The following NMNAT3 variants were observed in gnomAD, a reference collection of about 807,000 sequenced individuals.
The protein encoded by NMNAT3 is nicotinamide/nicotinic acid mononucleotide adenylyltransferase 3.
A neutral mutation model predicts 24.8 loss-of-function variants in NMNAT3; 21 were observed. The ratio of observed to expected loss-of-function variants is 0.85; its 90% CI spans 0.60 to 1.22. The LOEUF (loss-of-function observed/expected upper bound fraction) is 1.22, where lower values mean the gene tolerates loss of function less well. Ranked by LOEUF, NMNAT3 falls within the 50% of genes most tolerant of loss-of-function variation. The pLI, the probability that NMNAT3 is intolerant of heterozygous loss-of-function variation, is 0.00. For synonymous variants in NMNAT3, 136 were observed against 155.2 expected (o/e 0.88, Z 0.92); for missense variants, 387 against 436.6 (o/e 0.89, Z 1.01).
intron 5 of NMNAT3, among the ~76,000 whole-genome samples, chr3:139,574,449 G>T (rs1559863176): frequency 6.6e-6 from 1 of 152,184 alleles, no homozygotes; most frequent in Non-Finnish European, 1.5e-5. Context: ...CACAAATTTG[G>T]CATGCCTGCC....
intron 3 of NMNAT3, among the ~76,000 whole-genome samples, chr3:139,617,861 G>T (rs1231226377): frequency 6.6e-6 from 1 of 152,222 alleles, no homozygotes; most frequent in Non-Finnish European, 1.5e-5. Flanking sequence ...TAAGAGAAAT[G>T]CAGGCTTAAA....
chr3:139,602,253 T>G (rs1320265823), intron 3 of NMNAT3, among the ~76,000 whole-genome samples: 2 of 152,234 alleles, frequency 1.3e-5, no homozygotes, highest in Non-Finnish European at 2.9e-5. Context: ...AGCCATTTTC[T>G]TAATTCTTTA....
At chr3:139,598,072 A>C (rs144875500) in intron 3 of NMNAT3, among the ~76,000 whole-genome samples, 1 of 152,246 alleles carries the variant, frequency 6.6e-6, no homozygotes, top group East Asian at 1.9e-4. Context: ...ACTTAAATAA[A>C]TAGAATTAGA....
rs943563493 is a variant in NMNAT3 at position 139,616,338 on chromosome 3, G to T, written c.109+11278C>A. Among the ~76,000 whole-genome samples, 4 of 152,072 alleles carry T rather than the reference G, an allele frequency of 2.6e-5. No homozygotes were observed. In the East Asian group the frequency reaches 7.7e-4, roughly 29 times the overall value. On this transcript the variant is annotated intron_variant, in intron 3 of 6. Coordinates refer to ENST00000643695, the MANE Select transcript of NMNAT3 (RefSeq NM_001320510.2). Reference sequence around the variant, plus strand: ...TACTCTGGTTCCTCCTATTTCTTGGGTCTTCTTGAACTTCTTTGTAAGCCG... The same window carrying T: ...TACTCTGGTTCCTCCTATTTCTTGGTTCTTCTTGAACTTCTTTGTAAGCCG...
intron 2 of NMNAT3, among the ~76,000 whole-genome samples, chr3:139,629,612 A>C: frequency 1.3e-5 from 2 of 152,178 alleles, no homozygotes; most frequent in Non-Finnish European, 2.9e-5. Flanking sequence ...TTCTGGGGGC[A>C]ACATGTAGAG....
chr3:139,627,710 T>TA lies in NMNAT3; in HGVS notation c.14dup (p.Pro6ThrfsTer11). ...AGCCACAGGCCAGGAGCACCACAGG[T>TA]ATTCGGCTCTTCATCTTGTCAGGCA... On this transcript the variant is annotated frameshift_variant, in exon 3 of 7. Transcript: ENST00000643695. LOFTEE classifies it high-confidence loss of function. 1 of 1,592,650 alleles carries TA rather than the reference T, an allele frequency of 6.3e-7. No homozygotes were observed.
chr3:139,651,391 A>G (rs1329204886), intron 1 of NMNAT3, among the ~76,000 whole-genome samples: 2 of 152,208 alleles, frequency 1.3e-5, no homozygotes, highest in African/African-American at 4.8e-5. Context: ...ATGGAAAAAT[A>G]ACAGACTAAA....
At chr3:139,664,342 T>C (rs2057510538) in intron 1 of NMNAT3, among the ~76,000 whole-genome samples, 1 of 152,210 alleles carries the variant, frequency 6.6e-6, no homozygotes, top group Non-Finnish European at 1.5e-5. Flanking sequence ...TAGACTACGA[T>C]TCCTCATGAT....
At chr3:139,617,931 G>A (rs2055585608) in intron 3 of NMNAT3, among the ~76,000 whole-genome samples, 1 of 152,196 alleles carries the variant, frequency 6.6e-6, no homozygotes, top group African/African-American at 2.4e-5. Context: ...GTCATATGTT[G>A]TGCTGAATCA....
intron 1 of NMNAT3, among the ~76,000 whole-genome samples, chr3:139,643,984 T>C (rs1166308055): frequency 6.6e-6 from 1 of 152,238 alleles, no homozygotes; most frequent in East Asian, 1.9e-4. Flanking sequence ...CCTTGTTTTC[T>C]GTTCTATCAG....
intron 3 of NMNAT3, among the ~76,000 whole-genome samples, chr3:139,624,940 T>C (rs142212734): frequency 3.2e-4 from 48 of 152,336 alleles, no homozygotes; most frequent in African/African-American, 1.1e-3. Context: ...GAGAAGAGCA[T>C]TAAAATAGCT....
rs952539678 is a variant in NMNAT3 at position 139,565,847 on chromosome 3, G to A, written c.659-4455C>T. 79 of 152,188 alleles carry A rather than the reference G, an allele frequency of 5.2e-4. 1 individual carries two copies. Among genetic ancestry groups the A allele is most frequent in the Non-Finnish European group, 1.5e-4 (10 of 68,034 alleles). The allele number at this position is 152,188 out of a possible 1,614,324, so 9.4% of individuals were successfully genotyped here. A position where few individuals can be genotyped will look rare whatever the true frequency, so the allele number is the denominator to read the frequency against. The stretch of plus-strand genomic sequence containing the variant: ...TACGTGTGCATGTGTCTTTATAGCA[G>A]CATGATTTATAATCCTTTGGGTATA... On this transcript the variant is annotated intron_variant, in intron 6 of 6. Coordinates refer to ENST00000643695, the MANE Select transcript of NMNAT3 (RefSeq NM_001320510.2).
intron 3 of NMNAT3, among the ~76,000 whole-genome samples, chr3:139,602,416 A>G (rs2054757697): frequency 6.6e-6 from 1 of 152,212 alleles, no homozygotes; most frequent in Non-Finnish European, 1.5e-5. Context: ...TTTTTTCCTA[A>G]AATTGACATT....
chr3:139,634,915 T>C (rs1407157355), intron 2 of NMNAT3: 2 of 152,208 alleles, frequency 1.3e-5, no homozygotes, highest in African/African-American at 4.8e-5. Flanking sequence ...TGCTAATTCT[T>C]TCAACACACC....
intron 1 of NMNAT3, among the ~76,000 whole-genome samples, chr3:139,668,802 G>A (rs1559975122): frequency 6.6e-6 from 1 of 152,214 alleles, no homozygotes; most frequent in Non-Finnish European, 1.5e-5. Flanking sequence ...ATCAGTCAAT[G>A]ATGTCTGCCA....
At chr3:139,596,998 G>A (rs2054515571) in intron 3 of NMNAT3, among the ~76,000 whole-genome samples, 1 of 135,444 alleles carries the variant, frequency 7.4e-6, no homozygotes, top group East Asian at 2.1e-4. Context: ...CATTATATAG[G>A]AAATCCCATA....
chr3:139,591,050 T>G (rs1036223593), intron 3 of NMNAT3, among the ~76,000 whole-genome samples: 2 of 151,936 alleles, frequency 1.3e-5, no homozygotes, highest in Middle Eastern at 3.2e-3. Flanking sequence ...CATTTCCATC[T>G]GAGGTACCGG....
chr3:139,640,777 C>T (rs910020824), intron 1 of NMNAT3, among the ~76,000 whole-genome samples: 1 of 152,132 alleles, frequency 6.6e-6, no homozygotes, highest in Non-Finnish European at 1.5e-5. Context: ...ATAACTTCCT[C>T]CTAGAAATTA....
In NMNAT3 at chr3:139,676,505, C is replaced by T. The variant is rs539560965; in HGVS notation, c.-141+1200G>A. ...CTCAGTGGAGCTGTGTGAACCATAC[C>T]TTCAGGGGCTCCTGGGTGGCTTTCT... On this transcript the variant is annotated intron_variant, in intron 1 of 6. Coordinates refer to ENST00000643695, the MANE Select transcript of NMNAT3 (RefSeq NM_001320510.2). Among the ~76,000 whole-genome samples the T allele has an allele frequency of 3.5e-4, 53 of 152,256 alleles. 1 individual carries two copies. The South Asian group carries it at 0.01, about 30-fold the overall frequency.
Sources: gnomAD v4.1 joint callset for allele counts (sites outside exome capture counted in the v4.1 genomes callset) on GRCh38, gnomAD v4.1.1 for gene constraint, MANE v1.5 for transcripts, NCBI Gene and HGNC (gene_info 2026-07-23, HGNC 2026-07-21) for gene names.